Variants in TENM2 observed in about 807,000 individuals in gnomAD.
TENM2 encodes teneurin-2.
A neutral mutation model predicts 245.2 loss-of-function variants in TENM2; 52 were observed. The ratio of observed to expected loss-of-function variants is 0.21; its 90% CI spans 0.17 to 0.27. TENM2 has a LOEUF of 0.27. TENM2 is among the 10% of genes least tolerant of loss of function. TENM2 has a pLI of 1.00. For synonymous variants in TENM2, 1,363 were observed against 1,438.9 expected (o/e 0.95, Z 1.19); for missense variants, 3,046 against 3,666.8 (o/e 0.83, Z 4.37).
chr5:167,629,830 G>A (rs994589936), intron 2 of TENM2, among the ~76,000 whole-genome samples: 3 of 152,012 alleles, frequency 2.0e-5, no homozygotes, highest in Non-Finnish European at 4.4e-5. Context: ...ACCCAGAAAG[G>A]CACTGCTTGT....
intron 1 of TENM2, among the ~76,000 whole-genome samples, chr5:167,288,075 C>G (rs1004235727): frequency 6.6e-6 from 1 of 151,770 alleles, no homozygotes; most frequent in African/African-American, 2.4e-5. Flanking sequence ...TTTTGGACCC[C>G]GGAGTTAGGG....
At chr5:168,046,872 A>G (rs1197032307) in intron 5 of TENM2, among the ~76,000 whole-genome samples, 1 of 152,200 alleles carries the variant, frequency 6.6e-6, no homozygotes, top group Non-Finnish European at 1.5e-5. Context: ...TGAAATAGTT[A>G]GGGAGGTGGG....
In TENM2 at chr5:167,577,051, G is replaced by A. The variant is rs1318153377; in HGVS notation, c.502+201578G>A. 2.0e-5 allele frequency among the ~76,000 whole-genome samples: 3 copies of A among 152,264 alleles called. No individual in the cohort carries two copies. The East Asian group carries it at 5.8e-4, about 29-fold the overall frequency. ...AAACATAAGCACTAGAAACTGAGGGGACCCACGCTGGAACTGCTCTGCTTG... is the reference window on the plus strand; with the variant it reads ...AAACATAAGCACTAGAAACTGAGGGAACCCACGCTGGAACTGCTCTGCTTG... On this transcript the variant is annotated intron_variant, in intron 2 of 28. Transcript: ENST00000518659.
intron 7 of TENM2, among the ~76,000 whole-genome samples, chr5:168,081,760 C>T (rs1206438379): frequency 6.6e-6 from 1 of 152,182 alleles, no homozygotes; most frequent in East Asian, 1.9e-4. Context: ...ATATTGGCCC[C>T]CACTCTCTTC....
At chr5:167,613,982 A>T (rs898909037) in intron 2 of TENM2, among the ~76,000 whole-genome samples, 4 of 152,166 alleles carry the variant, frequency 2.6e-5, no homozygotes, top group African/African-American at 2.4e-5. Flanking sequence ...TTTGAAAATC[A>T]ACCAGATTTT....
At position 167,786,435 on chromosome 5, in the gene TENM2, G is replaced by A. The variant is rs542889704; in HGVS notation, c.503-89551G>A. On this transcript the variant is annotated intron_variant, in intron 2 of 28. Coordinates refer to ENST00000518659, the Ensembl canonical transcript of TENM2. ...CATTGTAATGACAAGATAAGTTCCA[G>A]TATGCCTAGACTTACATATGTACCT... is the stretch of plus-strand genomic sequence containing the variant. Among the ~76,000 whole-genome samples, 29 of 152,310 alleles carry A rather than the reference G, an allele frequency of 1.9e-4. 1 individual carries two copies. Among genetic ancestry groups the A allele is most frequent in the African/African-American group, 7.0e-4 (29 of 41,560 alleles).
rs149123064 is a variant in TENM2, at chr5:167,760,690, G to T, written c.503-115296G>T. On this transcript the variant is annotated intron_variant, in intron 2 of 28. Transcript: ENST00000518659. The stretch of plus-strand genomic sequence containing the variant: ...TTGTTTTGAGACAGAGTCTCACTCT[G>T]CCACCCAGGCTAGAGTGCAATGGCA... Among the ~76,000 whole-genome samples the T allele has an allele frequency of 7.1e-3, 1,088 of 152,202 alleles. 16 individuals are homozygous for T. The highest frequency in any genetic ancestry group is 0.025 in the African/African-American group (1,026 of 41,520).
chr5:168,089,616 A>G (rs1451377388), intron 7 of TENM2, among the ~76,000 whole-genome samples: 2 of 152,196 alleles, frequency 1.3e-5, no homozygotes, highest in African/African-American at 4.8e-5. Context: ...GCTAGGCACT[A>G]TAAGGGCATG....
chr5:167,277,754 A>G, the TENM2 span, among the ~76,000 whole-genome samples: 43 of 152,212 alleles, frequency 2.8e-4, no homozygotes, highest in Non-Finnish European at 4.0e-4. Context: ...TTTCAGTTAT[A>G]TCATTTTTTT....
intron 2 of TENM2, among the ~76,000 whole-genome samples, chr5:167,468,182 C>T (rs563245772): frequency 5.3e-5 from 8 of 152,304 alleles, no homozygotes; most frequent in African/African-American, 1.9e-4. Context: ...GGTGATTCAC[C>T]TTCCTCGACC....
At chr5:167,452,964 T>TTTTTATATATATATATATA (rs1554157789) in intron 2 of TENM2, among the ~76,000 whole-genome samples, 1 of 108,224 alleles carries the variant, frequency 9.2e-6, no homozygotes, top group Non-Finnish European at 1.8e-5. Context: ...TATATATATT[T>TTTTTATATATATATATATA]AAAAAAAAAA....
intron 6 of TENM2, 96 bp from the exon 9 acceptor site, chr5:168,061,964 A>G: frequency 8.9e-7 from 1 of 1,128,086 alleles, no homozygotes; most frequent in Admixed American, 2.9e-5. Flanking sequence ...TATTAAAACA[A>G]CAACAAAAAA....
chr5:167,160,371 G>T, the TENM2 span, among the ~76,000 whole-genome samples: 2,222 of 152,302 alleles, frequency 0.015, 57 homozygotes, highest in African/African-American at 0.051. Flanking sequence ...CTCATGCCCC[G>T]CCTGCTGTGC....
intron 2 of TENM2, among the ~76,000 whole-genome samples, chr5:167,541,536 C>G (rs1244703056): frequency 2.0e-5 from 3 of 152,144 alleles, no homozygotes; most frequent in Non-Finnish European, 4.4e-5. Context: ...TCAACACACA[C>G]ACACATAAAG....
chr5:168,171,060 G>A (rs1758773945), intron 13 of TENM2, among the ~76,000 whole-genome samples: 1 of 152,206 alleles, frequency 6.6e-6, no homozygotes, highest in South Asian at 2.1e-4. Flanking sequence ...GCTAGTGCAA[G>A]GTGGAAATGC....
At chr5:168,124,903 T>A in exon 11 of TENM2, 1 of 1,613,284 alleles carries the variant, frequency 6.2e-7, no homozygotes, top group Non-Finnish European at 8.5e-7. Flanking sequence ...GAATGGAGAA[T>A]GCCTGTGCAG....
At chr5:167,361,356 C>T (rs966833038) in intron 1 of TENM2, among the ~76,000 whole-genome samples, 12 of 152,040 alleles carry the variant, frequency 7.9e-5, no homozygotes, top group African/African-American at 2.7e-4. Flanking sequence ...GAAATAATTG[C>T]GATTAAGAAT....
At chr5:167,013,013 C>A in the TENM2 span, among the ~76,000 whole-genome samples, 23 of 152,006 alleles carry the variant, frequency 1.5e-4, no homozygotes, top group Non-Finnish European at 2.9e-4. Context: ...CAAGGTGAAG[C>A]TAAAGATATG....
chr5:168,017,039 C>T (rs540642434), intron 5 of TENM2, among the ~76,000 whole-genome samples: 11 of 152,316 alleles, frequency 7.2e-5, no homozygotes, highest in South Asian at 6.2e-4. Flanking sequence ...GCACCCTGCT[C>T]TGGTCCTTAT....
Sources: gnomAD v4.1 joint callset for allele counts (sites outside exome capture counted in the v4.1 genomes callset) on GRCh38, gnomAD v4.1.1 for gene constraint, MANE v1.5 for transcripts, NCBI Gene and HGNC (gene_info 2026-07-23, HGNC 2026-07-21) for gene names.